RARRES1: variants seen among roughly 807,000 people sequenced by gnomAD.
RARRES1 encodes retinoic acid receptor responder protein 1.
RARRES1 carries 34 observed loss-of-function variants against 30.6 expected under a neutral mutation model. The ratio of observed to expected loss-of-function variants is 1.11; its 90% CI spans 0.84 to 1.48. The LOEUF (loss-of-function observed/expected upper bound fraction) is 1.48, where lower values mean the gene tolerates loss of function less well. Ranked by LOEUF, RARRES1 falls within the 40% of genes most tolerant of loss-of-function variation. The pLI is 0.00. For missense variants in RARRES1, 373 were observed against 386.5 expected, an observed-to-expected ratio of 0.97 and a Z score of 0.29; for synonymous variants, 153 against 155.5, an observed-to-expected ratio of 0.98 and a Z score of 0.12.
chr3:158,704,210 C>CTTTTT (rs78169321), intron 4 of RARRES1, among the ~76,000 whole-genome samples: 33 of 82,800 alleles, frequency 4.0e-4, no homozygotes, highest in East Asian at 5.3e-4. Flanking sequence ...TATTGCAATA[C>CTTTTT]TTTTTTTTTT....
intron 4 of RARRES1, among the ~76,000 whole-genome samples, chr3:158,700,745 C>A (rs900929169): frequency 2.0e-5 from 3 of 152,164 alleles, no homozygotes; most frequent in African/African-American, 7.2e-5. Context: ...CAATTCAGAT[C>A]ATCACAAGTG....
At chr3:158,716,653 G>C (rs570499197) in intron 1 of RARRES1, among the ~76,000 whole-genome samples, 1 of 151,332 alleles carries the variant, frequency 6.6e-6, no homozygotes, top group East Asian at 1.9e-4. Flanking sequence ...GCACGATCTC[G>C]GCTCACTGCA....
Position 158,704,843 on chromosome 3 carries a change from G to T in RARRES1, c.620C>A (p.Thr207Lys). ...LGSSYVMWEM[T>K]TQVSHYYLAQ... is the part of the protein sequence containing the mutation. ...CAAGTAGTAGTGTGACACCTGTGTT[G>T]TCATTTCCCACATCACGTAAGAGCT... The change falls in exon 4 of 6, where the codon ACA (threonine) becomes AAA (lysine). Residue 207 changes from threonine (T) to lysine (K), a missense_variant. Thr to Lys is a moderately conservative substitution (Grantham distance 78). Transcript: ENST00000237696. 1 of 1,614,026 alleles carries T rather than the reference G, an allele frequency of 6.2e-7. No individual in the cohort carries two copies. Among genetic ancestry groups the T allele is most frequent in the Non-Finnish European group, 8.5e-7 (1 of 1,179,982 alleles).
intron 2 of RARRES1, among the ~76,000 whole-genome samples, chr3:158,712,355 C>T (rs1330148372): frequency 6.6e-6 from 1 of 152,076 alleles, no homozygotes; most frequent in Non-Finnish European, 1.5e-5. Flanking sequence ...CATCGCACTT[C>T]CCTCCAGCCA....
rs1037536620 is a variant in RARRES1 at position 158,697,407 on chromosome 3, C to G, written c.*271G>C. On this transcript the variant is annotated 3_prime_UTR_variant, in exon 6 of 6. Coordinates refer to ENST00000237696, the MANE Select transcript of RARRES1 (RefSeq NM_206963.2). ...TCTGGTGCAACATACACTGATTATCCAGGTTTTACATTTTAGGGCTGAAAC... is the reference window on the plus strand; with the variant it reads ...TCTGGTGCAACATACACTGATTATCGAGGTTTTACATTTTAGGGCTGAAAC... 15 of 304,744 alleles carry G rather than the reference C, an allele frequency of 4.9e-5. No individual in the cohort carries two copies. The highest frequency in any genetic ancestry group is 7.2e-5 in the Non-Finnish European group (12 of 167,210). The allele number at this position is 304,744 out of a possible 1,614,324, so 18.9% of individuals were successfully genotyped here. A position where few individuals can be genotyped will look rare whatever the true frequency, so the allele number is the denominator to read the frequency against.
At chr3:158,725,790 C>A (rs1182746894) in intron 1 of RARRES1, among the ~76,000 whole-genome samples, 1 of 152,190 alleles carries the variant, frequency 6.6e-6, no homozygotes. Context: ...CTTTCTCACC[C>A]CATGCTAGAC....
In RARRES1 at chr3:158,723,288, A is replaced by G. The variant is rs1025597872; in HGVS notation, c.276+8852T>C. Among the ~76,000 whole-genome samples the G allele has an allele frequency of 6.6e-6, 1 of 152,232 alleles. No individual in the cohort carries two copies. The highest frequency in any genetic ancestry group is 1.5e-5 in the Non-Finnish European group (1 of 68,046). On this transcript the variant is annotated intron_variant, in intron 1 of 5. Coordinates refer to ENST00000237696, the MANE Select transcript of RARRES1 (RefSeq NM_206963.2). This position sits in a 1 kb window ranked among gnomAD's most constrained non-coding sequence, Gnocchi z 4.4. ...CAGCATTCACATTTGATAAGAAAAC[A>G]TAAATGTCAGGCTATTCCAGTAAAA...
Position 158,696,962 on chromosome 3 carries a change from G to A in RARRES1, c.*716C>T, listed in dbSNP as rs1481474288. The A allele has an allele frequency of 6.6e-6, 1 of 152,192 alleles. No homozygotes were observed. Among genetic ancestry groups the A allele is most frequent in the Non-Finnish European group, 1.5e-5 (1 of 68,038 alleles). 9.4% of individuals were successfully genotyped at this position (152,192 alleles called of 1,614,324 possible). ...TACATCAGTGTTTCTTTTGATGCAT[G>A]TTTGCAGACAGCTTTATCTGGTGAG... On this transcript the variant is annotated 3_prime_UTR_variant, in exon 6 of 6. Transcript: ENST00000237696.
intron 4 of RARRES1, among the ~76,000 whole-genome samples, chr3:158,700,400 T>C (rs1451475420): frequency 1.3e-5 from 2 of 152,060 alleles, no homozygotes; most frequent in African/African-American, 2.4e-5. Flanking sequence ...TTTGACAGAC[T>C]ATTTTGGTAA....
intron 1 of RARRES1, among the ~76,000 whole-genome samples, chr3:158,728,512 CTTTCTTTT>C (rs1345399740): frequency 4.6e-5 from 6 of 130,752 alleles, no homozygotes; most frequent in Non-Finnish European, 8.1e-5. Context: ...GTTTCTTTTT[CTTTCTTTT>C]TTTTTTTTTT....
At chr3:158,730,411 CCTTCCT>C (rs1727842437) in intron 1 of RARRES1, among the ~76,000 whole-genome samples, 1 of 108,166 alleles carries the variant, frequency 9.2e-6, no homozygotes, top group Admixed American at 8.8e-5. Context: ...TTCCTTCCTT[CCTTCCT>C]CTCTCTCTTT....
rs10663483 is a variant in RARRES1 at position 158,717,981 on chromosome 3, A to ATT, written c.277-4124_277-4123dup. Among the ~76,000 whole-genome samples the ATT allele has an allele frequency of 5.8e-3, 834 of 144,506 alleles. 7 individuals are homozygous for ATT. The highest frequency in any genetic ancestry group is 0.014 in the African/African-American group (557 of 38,920). 94.8% of individuals were successfully genotyped at this position (144,506 alleles called of 152,430 possible). ...CTAGAATACATTTTATATTAAGACA[A>ATT]TTTTTTTTTTTTTTTGAGACAGAGT... On this transcript the variant is annotated intron_variant, in intron 1 of 5. Transcript: ENST00000237696.
At chr3:158,705,083 CTA>C (rs1726873756) in intron 3 of RARRES1, among the ~76,000 whole-genome samples, 156 bp from the exon 4 acceptor site, 1 of 152,184 alleles carries the variant, frequency 6.6e-6, no homozygotes, top group South Asian at 2.1e-4. Context: ...GTATCTGTTT[CTA>C]TGTTAGTATG....
Position 158,711,531 on chromosome 3 carries a change from G to A in RARRES1, c.340-598C>T, listed in dbSNP as rs188506966. ...CCAAGATCTAATCCAGAAGAAATGG[G>A]GGCACTGATCCACTGATCATCCACA... On this transcript the variant is annotated intron_variant, in intron 2 of 5. Coordinates refer to ENST00000237696, the MANE Select transcript of RARRES1 (RefSeq NM_206963.2). Among the ~76,000 whole-genome samples, 9 of 152,118 alleles carry A rather than the reference G, an allele frequency of 5.9e-5. No homozygotes were observed. In the East Asian group the frequency reaches 1.7e-3, roughly 29 times the overall value.
chr3:158,698,010 G>T, intron 4 of RARRES1, 40 bp from the exon 5 acceptor site: 1 of 1,320,812 alleles, frequency 7.6e-7, no homozygotes, highest in Non-Finnish European at 1.1e-6. Context: ...AAATATGGTG[G>T]TATTTAGTGT....
At chr3:158,728,218 A>T (rs1352012742) in intron 1 of RARRES1, among the ~76,000 whole-genome samples, 1 of 152,090 alleles carries the variant, frequency 6.6e-6, no homozygotes, top group Non-Finnish European at 1.5e-5. Flanking sequence ...TTTAAAAAAA[A>T]AAAAAACCGG....
intron 1 of RARRES1, 71 bp downstream of exon 1, chr3:158,732,069 C>T (rs1727909177): frequency 2.4e-6 from 3 of 1,251,632 alleles, no homozygotes; most frequent in Non-Finnish European, 3.0e-6. Context: ...GGCGCGCGTA[C>T]CCAGGTGTCA....
intron 4 of RARRES1, among the ~76,000 whole-genome samples, chr3:158,701,024 A>G (rs1726703940): frequency 6.6e-6 from 1 of 152,208 alleles, no homozygotes; most frequent in African/African-American, 2.4e-5. Context: ...GATAAGGTAG[A>G]TAGGATGGTT....
intron 2 of RARRES1, among the ~76,000 whole-genome samples, chr3:158,711,750 A>G (rs559227240): frequency 2.6e-5 from 4 of 152,044 alleles, no homozygotes; most frequent in Non-Finnish European, 5.9e-5. Context: ...GCCCACCACC[A>G]TGCCTGGCTA....
Sources: gnomAD v4.1 joint callset for allele counts (sites outside exome capture counted in the v4.1 genomes callset) on GRCh38, gnomAD v4.1.1 for gene constraint, Gnocchi (gnomAD v3.1) non-coding constraint, MANE v1.5 for transcripts, NCBI Gene and HGNC (gene_info 2026-07-23, HGNC 2026-07-21) for gene names.